Variants in HMGN5 observed in about 807,000 individuals in gnomAD.
The protein encoded by HMGN5 is high mobility group nucleosome-binding domain-containing protein 5.
Under a neutral mutation model 9.5 loss-of-function variants are expected in HMGN5, and 4 were observed. The observed-to-expected ratio is 0.42, with a 90% confidence interval of 0.21 to 0.96. The LOEUF (loss-of-function observed/expected upper bound fraction) is 0.96, where lower values mean the gene tolerates loss of function less well. Among genes scored for constraint, HMGN5 ranks in the 40% least tolerant of loss-of-function variants. The pLI is 0.30. For missense variants in HMGN5, 192 were observed against 187.5 expected (o/e 1.02, Z -0.14); for synonymous variants, 55 against 57.1 (o/e 0.96, Z 0.16).
intron 1 of HMGN5, among the ~76,000 whole-genome samples, chrX:81,151,258 A>G (rs1201143215): frequency 9.0e-6 from 1 of 111,645 alleles, no homozygotes; most frequent in Non-Finnish European, 1.9e-5. Context: ...AGATAGTTGT[A>G]GATATGCGAC....
intron 1 of HMGN5, among the ~76,000 whole-genome samples, chrX:81,157,803 G>A (rs988968263): frequency 1.0e-4 from 11 of 109,003 alleles, no homozygotes; most frequent in Admixed American, 9.8e-4. Context: ...TTTTTGAGAC[G>A]GAGTCTTGCT....
chrX:81,122,910 C>T (rs2075273355), intron 1 of HMGN5, among the ~76,000 whole-genome samples: 1 of 111,309 alleles, frequency 9.0e-6, no homozygotes, highest in African/African-American at 3.3e-5. Context: ...CGCCCTTTCT[C>T]AGAGGCGCCT....
At chrX:81,166,286 T>C (rs1178073639) in intron 1 of HMGN5, among the ~76,000 whole-genome samples, 4 of 111,822 alleles carry the variant, frequency 3.6e-5, no homozygotes, top group Non-Finnish European at 7.5e-5. Flanking sequence ...TCCATATATA[T>C]ATATACCTCA....
chrX:81,136,407 A>AAGGTAAAG (rs1382092856), intron 1 of HMGN5, among the ~76,000 whole-genome samples: 1 of 111,692 alleles, frequency 9.0e-6, no homozygotes, highest in Non-Finnish European at 1.9e-5. Context: ...AAAAGTGGGA[A>AAGGTAAAG]AGGTAAAGGG....
At chrX:81,191,785 T>C (rs1217466238) in intron 1 of HMGN5, among the ~76,000 whole-genome samples, 1 of 112,226 alleles carries the variant, frequency 8.9e-6, no homozygotes, top group Non-Finnish European at 1.9e-5. Context: ...ACTAAGTGTA[T>C]GCATCCATGG....
intron 1 of HMGN5, among the ~76,000 whole-genome samples, chrX:81,158,839 G>A (rs1372692565): frequency 9.0e-6 from 1 of 111,451 alleles, no homozygotes; most frequent in Non-Finnish European, 1.9e-5. Flanking sequence ...GTTAATTTTT[G>A]TATAATGTGT....
chrX:81,198,210 T>G (rs1369852735), intron 1 of HMGN5, among the ~76,000 whole-genome samples: 1 of 111,753 alleles, frequency 8.9e-6, no homozygotes, highest in Non-Finnish European at 1.9e-5. Flanking sequence ...AATTTAGGTT[T>G]AGTTCGATAG....
chrX:81,150,089 C>A (rs745396261), intron 1 of HMGN5, among the ~76,000 whole-genome samples: 23 of 112,337 alleles, frequency 2.0e-4, no homozygotes, highest in Middle Eastern at 4.6e-3. Context: ...ACACTTCATT[C>A]ATCGGCTGCA....
intron 1 of HMGN5, among the ~76,000 whole-genome samples, chrX:81,157,388 G>A (rs1157678282): frequency 1.8e-5 from 2 of 111,856 alleles, no homozygotes; most frequent in African/African-American, 3.3e-5. Flanking sequence ...GCATTTGACC[G>A]GGTAGCCTTT....
intron 1 of HMGN5, among the ~76,000 whole-genome samples, chrX:81,170,491 G>A (rs747775531): frequency 1.6e-4 from 18 of 111,577 alleles, no homozygotes; most frequent in Admixed American, 4.8e-4. Context: ...AAAGTAAACT[G>A]TATTAAGAAA....
intron 1 of HMGN5, among the ~76,000 whole-genome samples, chrX:81,139,704 C>A (rs1045331196): frequency 1.8e-5 from 2 of 111,454 alleles, no homozygotes; most frequent in Admixed American, 1.9e-4. Flanking sequence ...AGTACAGCAA[C>A]AGTGAGGCAC....
chrX:81,150,520 C>T (rs1018370335), intron 1 of HMGN5, among the ~76,000 whole-genome samples: 1 of 111,619 alleles, frequency 9.0e-6, no homozygotes, highest in Non-Finnish European at 1.9e-5. Context: ...GAACTGAGAT[C>T]GTGCCATTGC....
At chrX:81,170,626 G>A (rs750034787) in intron 1 of HMGN5, among the ~76,000 whole-genome samples, 9 of 110,961 alleles carry the variant, frequency 8.1e-5, no homozygotes, top group Non-Finnish European at 1.3e-4. Flanking sequence ...CTGTCAATGA[G>A]GTATTATCAA....
intron 1 of HMGN5, among the ~76,000 whole-genome samples, chrX:81,179,425 C>T (rs901582054): frequency 2.7e-5 from 3 of 111,142 alleles, no homozygotes; most frequent in African/African-American, 9.8e-5. Flanking sequence ...AACAGAGAGC[C>T]AAATCATGAG....
At chrX:81,153,085 T>C (rs1162723034) in intron 1 of HMGN5, among the ~76,000 whole-genome samples, 3 of 107,570 alleles carry the variant, frequency 2.8e-5, no homozygotes, top group Non-Finnish European at 3.8e-5. Flanking sequence ...GCATGGCACA[T>C]GTATACATAC....
At chrX:81,160,984 A>G in intron 1 of HMGN5, among the ~76,000 whole-genome samples, 1 of 111,135 alleles carries the variant, frequency 9.0e-6, no homozygotes, top group Non-Finnish European at 1.9e-5. Flanking sequence ...AACTGTTGAT[A>G]GACAATTATA....
At chrX:81,139,895 T>A in intron 1 of HMGN5, among the ~76,000 whole-genome samples, 1 of 111,997 alleles carries the variant, frequency 8.9e-6, no homozygotes, top group Middle Eastern at 4.6e-3. Flanking sequence ...TGTCTGCAAG[T>A]AAACTTGAAA....
chrX:81,118,025 A>T lies in HMGN5; in HGVS notation c.129+407T>A, dbSNP rs7058483. On this transcript the variant is annotated intron_variant, in intron 5 of 6. Transcript: ENST00000358130. ...ACATCTTACATATATTATATATATA[A>T]TTATATATAATCTTATATACTTTGC... Among the ~76,000 whole-genome samples, 538 of 109,615 alleles carry T rather than the reference A, an allele frequency of 4.9e-3. 4 individuals are homozygous for T. Among genetic ancestry groups the T allele is most frequent in the African/African-American group, 0.017 (518 of 30,473 alleles).
chrX:81,193,260 T>C (rs927914030), intron 1 of HMGN5, among the ~76,000 whole-genome samples: 18 of 112,076 alleles, frequency 1.6e-4, no homozygotes, highest in African/African-American at 4.5e-4. Flanking sequence ...ATCAACTCTC[T>C]GAAGCTGCCA....
Sources: allele counts gnomAD v4.1 joint callset (sites outside exome capture counted in the v4.1 genomes callset), GRCh38; gene constraint gnomAD v4.1.1; transcripts MANE v1.5; gene names NCBI Gene and HGNC (gene_info 2026-07-23, HGNC 2026-07-21).